The following NOL10 variants were observed in gnomAD, a reference collection of about 807,000 sequenced individuals.
The protein encoded by NOL10 is nucleolar protein 10, also known as H_NH0074G24.1.
A neutral mutation model predicts 103.5 loss-of-function variants in NOL10; 58 were observed. That is an observed-to-expected ratio of 0.56 (90% confidence interval 0.45 to 0.70). NOL10 has a LOEUF of 0.70. Among genes scored for constraint, NOL10 ranks in the 30% least tolerant of loss-of-function variants. The pLI, the probability that NOL10 is intolerant of heterozygous loss-of-function variation, is 0.00. For synonymous variants in NOL10, 287 were observed against 282.5 expected (o/e 1.02, Z -0.16); for missense variants, 763 against 807.3 (o/e 0.95, Z 0.67).
chr2:10,684,469 C>T, intron 2 of NOL10, 98 bp downstream of exon 2: 1 of 942,002 alleles, frequency 1.1e-6, no homozygotes, highest in Non-Finnish European at 1.6e-6. Flanking sequence ...CATGTTACCG[C>T]ATTCTTATAA....
chr2:10,629,901 C>T (rs1226959643), intron 13 of NOL10, among the ~76,000 whole-genome samples: 3 of 152,146 alleles, frequency 2.0e-5, no homozygotes, highest in Non-Finnish European at 4.4e-5. Flanking sequence ...TTCTTTTTCC[C>T]CTCAGTCCCC....
At chr2:10,609,431 C>CAAAAAAAAAAAAA (rs60104799) in intron 13 of NOL10, among the ~76,000 whole-genome samples, 1 of 111,590 alleles carries the variant, frequency 9.0e-6, no homozygotes. Flanking sequence ...ACTAAAAATA[C>CAAAAAAAAAAAAA]AAAAAAAAAA....
chr2:10,622,183 G>A (rs1196634058), intron 13 of NOL10: 2 of 471,024 alleles, frequency 4.2e-6, no homozygotes, highest in South Asian at 3.1e-5. Flanking sequence ...AGTTAACACA[G>A]GAAACTATGT....
chr2:10,634,591 C>T (rs1185426308), intron 13 of NOL10: 1 of 456,656 alleles, frequency 2.2e-6, no homozygotes. Flanking sequence ...CATTAACACA[C>T]AGCTGTTATA....
At chr2:10,676,189 G>A (rs926857158) in intron 3 of NOL10, among the ~76,000 whole-genome samples, 2 of 152,188 alleles carry the variant, frequency 1.3e-5, no homozygotes, top group Non-Finnish European at 2.9e-5. Context: ...GTTGGTGAAA[G>A]TATAAAATAT....
chr2:10,667,247 G>A lies in NOL10; in HGVS notation c.562C>T (p.His188Tyr), dbSNP rs1468247727. Residue 188 changes from histidine (H) to tyrosine (Y), a missense_variant, in exon 8 of 21, where the codon CAT becomes TAT. Transcript: ENST00000381685. ...ATGGTTCCTGTGGCAAACAAGCCAT[G>A]CACTGAATTTATGTCACAAACATTA... Reference protein sequence around the residue: ...ENNVCDINSVHGLFATGTIEG... With the variant: ...ENNVCDINSVYGLFATGTIEG... 1.3e-6 allele frequency: 2 copies of A among 1,588,444 alleles called. No individual in the cohort carries two copies. Among genetic ancestry groups the A allele is most frequent in the African/African-American group, 1.3e-5 (1 of 74,456 alleles).
intron 1 of NOL10, among the ~76,000 whole-genome samples, chr2:10,686,114 T>G (rs1682181760): frequency 1.3e-5 from 2 of 152,076 alleles, no homozygotes; most frequent in Non-Finnish European, 2.9e-5. Flanking sequence ...AAGCTTTCTT[T>G]CAAGTGAGGG....
intron 19 of NOL10, among the ~76,000 whole-genome samples, chr2:10,586,724 A>G (rs1273893697): frequency 6.6e-6 from 1 of 152,042 alleles, no homozygotes; most frequent in Non-Finnish European, 1.5e-5. Context: ...AGACCTTTAC[A>G]ATGATCCTCT....
intron 13 of NOL10, among the ~76,000 whole-genome samples, chr2:10,616,551 T>C (rs1353300939): frequency 7.3e-5 from 2 of 27,416 alleles, no homozygotes; most frequent in Admixed American, 6.6e-4. Flanking sequence ...CATTCTTCAT[T>C]TTTTTTTGTT....
chr2:10,616,186 T>A (rs1676822399), intron 13 of NOL10, among the ~76,000 whole-genome samples: 1 of 150,456 alleles, frequency 6.6e-6, no homozygotes, highest in African/African-American at 2.4e-5. Context: ...AGGGTCCACA[T>A]GAAAACTACC....
At chr2:10,595,636 G>A (rs12692414) in intron 17 of NOL10, among the ~76,000 whole-genome samples, 48,719 of 146,608 alleles carry the variant, frequency 0.33, 8,701 homozygotes, top group Non-Finnish European at 0.39. Flanking sequence ...ATGGAGTCTT[G>A]CTCTGTTGCC....
chr2:10,649,383 T>C (rs1026336016), intron 12 of NOL10, among the ~76,000 whole-genome samples: 2 of 137,026 alleles, frequency 1.5e-5, no homozygotes, highest in African/African-American at 2.8e-5. Flanking sequence ...AGCAGTGGCA[T>C]GATCTCGGCT....
At chr2:10,594,081 A>G (rs1359517989) in intron 17 of NOL10, among the ~76,000 whole-genome samples, 2 of 152,132 alleles carry the variant, frequency 1.3e-5, no homozygotes, top group African/African-American at 2.4e-5. Context: ...AACTAATTGA[A>G]ATTTTCTTTC....
At chr2:10,679,401 G>A (rs1434897905) in intron 3 of NOL10, among the ~76,000 whole-genome samples, 3 of 151,364 alleles carry the variant, frequency 2.0e-5, no homozygotes, top group Non-Finnish European at 2.9e-5. Context: ...GCATAGTGGC[G>A]AGCACCTATA....
chr2:10,673,602 C>T (rs371542235), intron 4 of NOL10, 45 bp from the exon 5 acceptor site: 2 of 1,337,992 alleles, frequency 1.5e-6, no homozygotes, highest in African/African-American at 1.5e-5. Flanking sequence ...AAACAATATT[C>T]TTAGTAACAA....
chr2:10,587,060 T>TATACATATATATACATATATATAC lies in NOL10; in HGVS notation c.1844+1982_1844+1983insGTATATATATGTATATATATGTAT, dbSNP rs1675068241. 9.6e-5 allele frequency among the ~76,000 whole-genome samples: 4 copies of TATACATATATATACATATATATAC among 41,564 alleles called. 1 individual carries two copies. Among genetic ancestry groups the TATACATATATATACATATATATAC allele is most frequent in the Non-Finnish European group, 1.6e-4 (3 of 19,038 alleles). 27.3% of individuals were successfully genotyped at this position (41,564 alleles called of 152,430 possible). On this transcript the variant is annotated intron_variant, in intron 19 of 20. Coordinates refer to ENST00000381685, the MANE Select transcript of NOL10 (RefSeq NM_024894.4). ...AGTTAAATGTATATATATATACATA[T>TATACATATATATACATATATATAC]ATATATACATATATATACATATATA...
intron 13 of NOL10, among the ~76,000 whole-genome samples, chr2:10,629,193 C>T (rs1677680567): frequency 1.4e-5 from 2 of 141,110 alleles, no homozygotes; most frequent in South Asian, 4.8e-4. Flanking sequence ...AAATGAACTT[C>T]TGACAGGATT....
chr2:10,638,335 A>AACGTAACGTG (rs1678435669), intron 13 of NOL10, among the ~76,000 whole-genome samples: 1 of 119,294 alleles, frequency 8.4e-6, no homozygotes, highest in Non-Finnish European at 1.7e-5. Flanking sequence ...GACGTGACGT[A>AACGTAACGTG]ACGTAACGTA....
intron 12 of NOL10, among the ~76,000 whole-genome samples, chr2:10,653,254 C>T (rs1019658371): frequency 2.4e-4 from 37 of 151,406 alleles, no homozygotes; most frequent in African/African-American, 8.5e-4. Context: ...TGAGTGAGTA[C>T]ACCTAGTATA....
Sources: gnomAD v4.1 joint callset for allele counts (sites outside exome capture counted in the v4.1 genomes callset) on GRCh38, gnomAD v4.1.1 for gene constraint, MANE v1.5 for transcripts, NCBI Gene and HGNC (gene_info 2026-07-23, HGNC 2026-07-21) for gene names.